Variants in TBC1D5 observed in about 807,000 individuals in gnomAD.
The protein encoded by TBC1D5 is TBC1 domain family member 5.
TBC1D5 carries 75 observed loss-of-function variants against 100.3 expected under a neutral mutation model. The ratio of observed to expected loss-of-function variants is 0.75; its 90% CI spans 0.62 to 0.91. The LOEUF is 0.91. Ranked by LOEUF, TBC1D5 falls within the 40% of genes least tolerant of loss-of-function variation. TBC1D5 has a pLI of 0.00. For missense variants in TBC1D5, 910 were observed against 942.4 expected (o/e 0.97, Z 0.45); for synonymous variants, 323 against 325.6 (o/e 0.99, Z 0.09).
intron 13 of TBC1D5, among the ~76,000 whole-genome samples, chr3:17,320,825 T>C (rs1157180380): frequency 1.3e-5 from 2 of 152,214 alleles, no homozygotes; most frequent in African/African-American, 4.8e-5. Flanking sequence ...CATTTCTATA[T>C]GTATTGAGGG....
chr3:17,449,712 A>C (rs567377641), intron 3 of TBC1D5, among the ~76,000 whole-genome samples: 24 of 152,286 alleles, frequency 1.6e-4, no homozygotes, highest in African/African-American at 5.3e-4. Context: ...ACATCTCTGA[A>C]AGAAAGGCAG....
intron 16 of TBC1D5, among the ~76,000 whole-genome samples, chr3:17,253,024 T>C (rs2077306029): frequency 1.3e-5 from 2 of 152,226 alleles, no homozygotes; most frequent in African/African-American, 4.8e-5. Context: ...TGGCACTGTG[T>C]ATAGTATTCA....
rs370167754 is a variant in TBC1D5, at chr3:17,185,407, C to T, written c.1753-199G>A. 2.0e-4 allele frequency among the ~76,000 whole-genome samples: 30 copies of T among 152,212 alleles called. No homozygotes were observed. In the East Asian group the frequency reaches 2.5e-3, roughly 13 times the overall value. ...AAAGGGTAAAATGGAAAATTTTAAACGTCTGGATTTTTCTAATTGAATTCT... is the reference window on the plus strand; with the variant it reads ...AAAGGGTAAAATGGAAAATTTTAAATGTCTGGATTTTTCTAATTGAATTCT... On this transcript the variant is annotated intron_variant, in intron 18 of 21. Transcript: ENST00000253692.
intron 1 of TBC1D5, among the ~76,000 whole-genome samples, chr3:17,737,980 T>G (rs184693576): frequency 2.6e-3 from 394 of 152,310 alleles, no homozygotes; most frequent in Non-Finnish European, 4.9e-3. Flanking sequence ...ATGTTTTTCA[T>G]CCAAACTAAT....
intron 1 of TBC1D5, among the ~76,000 whole-genome samples, chr3:17,736,480 T>C (rs2076975151): frequency 1.3e-5 from 2 of 152,136 alleles, no homozygotes; most frequent in Admixed American, 1.3e-4. Context: ...CTCATGGAAG[T>C]AAAAGGGGTC....
chr3:17,706,158 G>C lies in TBC1D5; in HGVS notation c.-101+33185C>G, dbSNP rs1049708592. 3.8e-6 allele frequency: 6 copies of C among 1,583,174 alleles called. No homozygotes were observed. In the South Asian group the frequency reaches 6.9e-5, roughly 18 times the overall value. On this transcript the variant is annotated intron_variant, in intron 1 of 21. Coordinates refer to ENST00000253692, the Ensembl canonical transcript of TBC1D5. ...GAGGCAAAGGCTGCAGTTGATGGGG[G>C]AGACATCGGCAGGCAGCCGCTCGAA...
chr3:17,219,973 C>A (rs981094972), intron 17 of TBC1D5, among the ~76,000 whole-genome samples: 7 of 152,060 alleles, frequency 4.6e-5, no homozygotes, highest in Admixed American at 6.6e-5. Flanking sequence ...GCTTTCTGAA[C>A]CTACCTTGAT....
intron 1 of TBC1D5, among the ~76,000 whole-genome samples, chr3:17,681,455 T>C (rs1409764052): frequency 6.6e-6 from 1 of 151,554 alleles, no homozygotes; most frequent in Non-Finnish European, 1.5e-5. Context: ...GATAAATACA[T>C]ATCAGGAGGA....
At chr3:17,237,822 G>C (rs1186867056) in intron 17 of TBC1D5, among the ~76,000 whole-genome samples, 1 of 152,140 alleles carries the variant, frequency 6.6e-6, no homozygotes. Flanking sequence ...TTCTCATTTT[G>C]GATTCCTTTC....
intron 3 of TBC1D5, among the ~76,000 whole-genome samples, chr3:17,436,751 A>T (rs1163121632): frequency 6.6e-6 from 1 of 152,206 alleles, no homozygotes; most frequent in Non-Finnish European, 1.5e-5. Flanking sequence ...TAAAAAACTA[A>T]AACCATGGTC....
At chr3:17,392,513 A>AG (rs1349183728) in intron 8 of TBC1D5, among the ~76,000 whole-genome samples, 1 of 151,870 alleles carries the variant, frequency 6.6e-6, no homozygotes, top group Non-Finnish European at 1.5e-5. Context: ...TCCTTCCCCT[A>AG]AACCCCCGAC....
At chr3:17,267,187 G>T (rs956503551) in intron 15 of TBC1D5, among the ~76,000 whole-genome samples, 14 of 152,058 alleles carry the variant, frequency 9.2e-5, no homozygotes, top group African/African-American at 2.7e-4. Context: ...TTACATTTTT[G>T]AATTTAGCGT....
chr3:17,271,262 C>T (rs2149682717), intron 15 of TBC1D5, among the ~76,000 whole-genome samples: 1 of 152,052 alleles, frequency 6.6e-6, no homozygotes, highest in Middle Eastern at 3.4e-3. Context: ...AATGTTTTTC[C>T]ATTTGTTTTT....
intron 2 of TBC1D5, among the ~76,000 whole-genome samples, chr3:17,523,186 G>A (rs1251615239): frequency 6.6e-6 from 1 of 152,100 alleles, no homozygotes; most frequent in East Asian, 1.9e-4. Context: ...GCAAGTTAAC[G>A]ATTTCATCTC....
At chr3:17,167,529 G>A (rs2066749272) in intron 20 of TBC1D5, among the ~76,000 whole-genome samples, 1 of 152,198 alleles carries the variant, frequency 6.6e-6, no homozygotes, top group Non-Finnish European at 1.5e-5. Flanking sequence ...AGGAAGGAGT[G>A]GTGTGGGAAA....
At chr3:17,162,711 C>CT (rs1295161238) in intron 21 of TBC1D5, among the ~76,000 whole-genome samples, 5 of 152,160 alleles carry the variant, frequency 3.3e-5, no homozygotes, top group East Asian at 1.9e-4. Context: ...GAAGGACTGT[C>CT]TTTTTTCTGA....
rs116457476 is a variant in TBC1D5, at chr3:17,329,872, T to C, written c.996-21738A>G. Among the ~76,000 whole-genome samples, 529 of 152,328 alleles carry C rather than the reference T, an allele frequency of 3.5e-3. 4 individuals are homozygous for C. Among genetic ancestry groups the C allele is most frequent in the African/African-American group, 0.012 (501 of 41,574 alleles). The stretch of plus-strand genomic sequence containing the variant: ...TCCTACCTTGCCAATATCCAATCTT[T>C]GATAAAACATAGCATTAATTTCTCT... On this transcript the variant is annotated intron_variant, in intron 13 of 21. Coordinates refer to ENST00000253692, the Ensembl canonical transcript of TBC1D5.
intron 18 of TBC1D5, among the ~76,000 whole-genome samples, chr3:17,187,873 A>G (rs1406534908): frequency 1.3e-5 from 2 of 152,024 alleles, no homozygotes; most frequent in Non-Finnish European, 2.9e-5. Flanking sequence ...TGGCTTAAAA[A>G]CTTCTCCTCT....
At chr3:17,270,130 C>T (rs1387824649) in intron 15 of TBC1D5, among the ~76,000 whole-genome samples, 2 of 152,106 alleles carry the variant, frequency 1.3e-5, no homozygotes, top group Non-Finnish European at 2.9e-5. Context: ...TAAGAGTTCC[C>T]TTTTCTCCGC....
Sources: allele counts gnomAD v4.1 joint callset (sites outside exome capture counted in the v4.1 genomes callset), GRCh38; gene constraint gnomAD v4.1.1; transcripts MANE v1.5; gene names NCBI Gene and HGNC (gene_info 2026-07-23, HGNC 2026-07-21).